ALPL: variants seen among roughly 807,000 people sequenced by gnomAD.
The protein encoded by ALPL is alkaline phosphatase, biomineralization associated.
Under a neutral mutation model 51.3 loss-of-function variants are expected in ALPL, and 42 were observed. That is an observed-to-expected ratio of 0.82 (90% CI 0.64 to 1.06). The LOEUF (loss-of-function observed/expected upper bound fraction) is 1.06, where lower values mean the gene tolerates loss of function less well. Ranked by LOEUF, ALPL falls within the 50% of genes least tolerant of loss-of-function variation. The probability of loss-of-function intolerance (pLI) is 0.00; values close to 1 mark genes in which losing one functional copy is unlikely to be tolerated. For synonymous variants in ALPL, 279 were observed against 296.4 expected (o/e 0.94, Z 0.60); for missense variants, 589 against 709.4 (o/e 0.83, Z 1.93).
chr1:21,509,248 G>A (rs1034808384), upstream of ALPL: 9 of 150,726 alleles, frequency 6.0e-5, no homozygotes, highest in Non-Finnish European at 1.2e-4. The surrounding 1 kb of genome is among the most constrained non-coding windows in gnomAD (Gnocchi z 6.0). Context: ...TCCCGGCAGG[G>A]GGCGCCCTGG....
intron 1 of ALPL, among the ~76,000 whole-genome samples, chr1:21,532,870 GC>G (rs1278031953): frequency 6.6e-6 from 1 of 152,214 alleles, no homozygotes; most frequent in Non-Finnish European, 1.5e-5. Context: ...ACACCAGGGT[GC>G]CTGTCCTGAT....
At chr1:21,543,450 C>T (rs894944172) in intron 1 of ALPL, among the ~76,000 whole-genome samples, 2 of 151,744 alleles carry the variant, frequency 1.3e-5, no homozygotes, top group Admixed American at 6.6e-5. Context: ...AAAGACCGGC[C>T]GGGCAGAAAC....
In ALPL at chr1:21,540,253, C is replaced by T. The variant is rs139945673; in HGVS notation, c.-104-13725C>T. Among the ~76,000 whole-genome samples the T allele has an allele frequency of 1.1e-3, 160 of 152,292 alleles. 1 individual carries two copies. Among genetic ancestry groups the T allele is most frequent in the African/African-American group, 3.6e-3 (150 of 41,560 alleles). On this transcript the variant is annotated intron_variant, in intron 1 of 11. Transcript: ENST00000374840. The stretch of plus-strand genomic sequence containing the variant: ...GACCCCTGCCTGGGCACTGCAGGCC[C>T]CAGGCATGGTGTCTCTGGGCCCTGC...
chr1:21,548,867 G>T (rs1033863535), intron 1 of ALPL, among the ~76,000 whole-genome samples: 2 of 152,112 alleles, frequency 1.3e-5, no homozygotes, highest in South Asian at 2.1e-4. Flanking sequence ...CATTCTGTCC[G>T]TGGGGGTGGT....
rs113733308 is a variant in ALPL, at chr1:21,511,788, GCCCTGTT to G, written c.-105+2273_-105+2279del. 3.2e-3 allele frequency among the ~76,000 whole-genome samples: 491 copies of G among 152,268 alleles called. 7 individuals are homozygous for G. Among genetic ancestry groups the G allele is most frequent in the African/African-American group, 0.012 (484 of 41,548 alleles). The stretch of plus-strand genomic sequence containing the variant: ...GTGTCCTAGCTCAGGACCAAACTCA[GCCCTGTT>G]CTGTCCCATGACTTACATACCCAAC... On this transcript the variant is annotated intron_variant, in intron 1 of 11. Transcript: ENST00000374840.
At chr1:21,543,182 G>A (rs1463147904) in intron 1 of ALPL, among the ~76,000 whole-genome samples, 1 of 152,146 alleles carries the variant, frequency 6.6e-6, no homozygotes, top group Non-Finnish European at 1.5e-5. Context: ...CCTGACCTGG[G>A]AGATTCTGAC....
chr1:21,554,799 GTCTGTCTGTCTGTCTGTCTTTCTTTCTT>G lies in ALPL; in HGVS notation c.61+661_61+688del, dbSNP rs1229153348. Among the ~76,000 whole-genome samples the G allele has an allele frequency of 4.7e-3, 193 of 41,336 alleles. 5 individuals are homozygous for G. The highest frequency in any genetic ancestry group is 0.024 in the Admixed American group (120 of 4,976). 27.1% of individuals were successfully genotyped at this position (41,336 alleles called of 152,430 possible). ...GCCACCGCGCCTGGCCTGTCTGTCT[GTCTGTCTGTCTGTCTGTCTTTCTTTCTT>G]TCTTTCTTTCTTTCTTTCTTTCTTT... On this transcript the variant is annotated intron_variant, in intron 2 of 11. Coordinates refer to ENST00000374840, the MANE Select transcript of ALPL (RefSeq NM_000478.6).
chr1:21,540,056 G>A lies in ALPL; in HGVS notation c.-104-13922G>A, dbSNP rs1324780779. On this transcript the variant is annotated intron_variant, in intron 1 of 11. Transcript: ENST00000374840. ...CTGCAGAGGGCTGAGGGAAGTGCTGGAGGAGGTGGTTGGCGAACACCGCAG... is the reference window on the plus strand; with the variant it reads ...CTGCAGAGGGCTGAGGGAAGTGCTGAAGGAGGTGGTTGGCGAACACCGCAG... Among the ~76,000 whole-genome samples, 4 of 152,248 alleles carry A rather than the reference G, an allele frequency of 2.6e-5. No homozygotes were observed. The South Asian group carries it at 8.3e-4, about 32-fold the overall frequency.
chr1:21,557,794 C>T (rs1644432814), intron 2 of ALPL, among the ~76,000 whole-genome samples: 1 of 152,102 alleles, frequency 6.6e-6, no homozygotes, highest in Non-Finnish European at 1.5e-5. Flanking sequence ...AAATACATAG[C>T]CTGAAAAAAT....
rs1644501265 is a variant in ALPL at position 21,562,714 on chromosome 1, T to C, written c.298-396T>C. Among the ~76,000 whole-genome samples, 3 of 144,632 alleles carry C rather than the reference T, an allele frequency of 2.1e-5. No individual in the cohort carries two copies. In the South Asian group the frequency reaches 7.1e-4, roughly 34 times the overall value. 94.9% of individuals were successfully genotyped at this position (144,632 alleles called of 152,430 possible). On this transcript the variant is annotated intron_variant, in intron 4 of 11. Coordinates refer to ENST00000374840, the MANE Select transcript of ALPL (RefSeq NM_000478.6). ...CTTCCCCCTCACTTTCACTACCCTA[T>C]CCCCAGACCCCCCACTCCTTCAAGA...
intron 1 of ALPL, among the ~76,000 whole-genome samples, chr1:21,547,306 A>G (rs1644265084): frequency 6.6e-6 from 1 of 152,152 alleles, no homozygotes; most frequent in South Asian, 2.1e-4. Context: ...ACCCAGGGAT[A>G]AAGCGGGTCA....
At chr1:21,553,944 C>A in intron 1 of ALPL, 34 bp from the exon 2 acceptor site, 1 of 756,470 alleles carries the variant, frequency 1.3e-6, no homozygotes, top group Non-Finnish European at 2.4e-6. Context: ...AGCTGTGCCC[C>A]ACATGCCTCT....
chr1:21,514,461 C>A (rs1643754711), intron 1 of ALPL, among the ~76,000 whole-genome samples: 1 of 152,220 alleles, frequency 6.6e-6, no homozygotes, highest in Non-Finnish European at 1.5e-5. Flanking sequence ...GAACCCACAG[C>A]TCTCTGTTCC....
intron 1 of ALPL, among the ~76,000 whole-genome samples, chr1:21,521,990 G>A (rs1643887235): frequency 6.6e-6 from 1 of 152,090 alleles, no homozygotes; most frequent in Non-Finnish European, 1.5e-5. Context: ...TAAGTGAAAG[G>A]TCACTTGCAT....
At chr1:21,566,592 A>G (rs1214805926) in intron 6 of ALPL, among the ~76,000 whole-genome samples, 6 of 139,758 alleles carry the variant, frequency 4.3e-5, no homozygotes, top group African/African-American at 8.2e-5. Context: ...CGCCCGGCCT[A>G]TTTTATTTTA....
chr1:21,542,568 G>A (rs1393611165), intron 1 of ALPL, among the ~76,000 whole-genome samples: 6 of 152,184 alleles, frequency 3.9e-5, no homozygotes, highest in Non-Finnish European at 7.4e-5. Context: ...CCAGCCAGGC[G>A]CAGTGGCTCA....
At chr1:21,565,954 G>A (rs1258171345) in intron 6 of ALPL, among the ~76,000 whole-genome samples, 1 of 152,210 alleles carries the variant, frequency 6.6e-6, no homozygotes, top group Non-Finnish European at 1.5e-5. Flanking sequence ...GGCTGGAAAC[G>A]ATGAGGCTCC....
intron 8 of ALPL, 57 bp from the exon 9 acceptor site, chr1:21,573,608 T>G: frequency 6.2e-7 from 1 of 1,603,884 alleles, no homozygotes; most frequent in Non-Finnish European, 8.5e-7. Context: ...TTCCTTGGAG[T>G]CCTCCTAGCC....
intron 1 of ALPL, among the ~76,000 whole-genome samples, chr1:21,547,514 G>T (rs1179635674): frequency 6.6e-6 from 1 of 152,172 alleles, no homozygotes; most frequent in Non-Finnish European, 1.5e-5. Context: ...GCCTGGCCAG[G>T]CCGCTCAGGT....
Sources: gnomAD v4.1 joint callset for allele counts (sites outside exome capture counted in the v4.1 genomes callset) on GRCh38, gnomAD v4.1.1 for gene constraint, Gnocchi (gnomAD v3.1) non-coding constraint, MANE v1.5 for transcripts, NCBI Gene and HGNC (gene_info 2026-07-23, HGNC 2026-07-21) for gene names.